CYP7B1: variants seen among roughly 807,000 people sequenced by gnomAD.
The protein encoded by CYP7B1 is cytochrome P450 7B1.
Under a neutral mutation model 42.7 loss-of-function variants are expected in CYP7B1, and 29 were observed. That is an observed-to-expected ratio of 0.68 (90% CI 0.51 to 0.93). The LOEUF (loss-of-function observed/expected upper bound fraction) is 0.93. Among genes scored for constraint, CYP7B1 ranks in the 40% least tolerant of loss-of-function variants. The pLI, the probability that CYP7B1 is intolerant of heterozygous loss-of-function variation, is 0.00. For missense variants in CYP7B1, 655 were observed against 600.5 expected (o/e 1.09, Z -0.95); for synonymous variants, 235 against 218.2 (o/e 1.08, Z -0.68).
intron 2 of CYP7B1, among the ~76,000 whole-genome samples, chr8:64,617,464 A>T (rs997042846): frequency 1.3e-5 from 2 of 152,196 alleles, no homozygotes; most frequent in Non-Finnish European, 2.9e-5. Context: ...TTTCAGTGGT[A>T]GACCCTTGAT....
chr8:64,796,790 C>T (rs1377851031), intron 1 of CYP7B1, among the ~76,000 whole-genome samples: 7 of 152,088 alleles, frequency 4.6e-5, no homozygotes, highest in East Asian at 3.8e-4. Context: ...TATTTCCCCA[C>T]GATTTTTATT....
intron 1 of CYP7B1, among the ~76,000 whole-genome samples, chr8:64,791,042 T>G (rs563646683): frequency 3.0e-4 from 46 of 151,880 alleles, no homozygotes; most frequent in Non-Finnish European, 5.0e-4. Flanking sequence ...TAACATAGAG[T>G]CCAGAAAATC....
At chr8:64,750,928 A>G (rs982863055) in intron 1 of CYP7B1, among the ~76,000 whole-genome samples, 1 of 151,936 alleles carries the variant, frequency 6.6e-6, no homozygotes. Context: ...ACGCTTCTTG[A>G]CCTTCCCTTT....
intron 4 of CYP7B1, among the ~76,000 whole-genome samples, chr8:64,612,932 T>C (rs1361151069): frequency 1.3e-5 from 2 of 152,176 alleles, no homozygotes; most frequent in Non-Finnish European, 2.9e-5. Flanking sequence ...ACAACTGAGC[T>C]ATGACTATGT....
chr8:64,728,587 G>C (rs1807357791), intron 1 of CYP7B1, among the ~76,000 whole-genome samples: 2 of 152,136 alleles, frequency 1.3e-5, no homozygotes. Context: ...TTGAGTAAAA[G>C]AAAAGCATTG....
At chr8:64,729,595 T>C (rs1186536496) in intron 1 of CYP7B1, among the ~76,000 whole-genome samples, 1 of 152,204 alleles carries the variant, frequency 6.6e-6, no homozygotes, top group Non-Finnish European at 1.5e-5. Flanking sequence ...TCCAGCATAG[T>C]GTAATTTAAA....
chr8:64,637,026 C>A lies in CYP7B1; in HGVS notation c.123-12487G>T, dbSNP rs537145722. On this transcript the variant is annotated intron_variant, in intron 1 of 5. Coordinates refer to ENST00000310193, the MANE Select transcript of CYP7B1 (RefSeq NM_004820.5). ...TGAAATGTTTAATAAAAAATTAGAACCCACAGTTTTGTGGAAACTAAATTA... is the reference window on the plus strand; with the variant it reads ...TGAAATGTTTAATAAAAAATTAGAAACCACAGTTTTGTGGAAACTAAATTA... Among the ~76,000 whole-genome samples the A allele has an allele frequency of 2.0e-5, 3 of 152,230 alleles. No individual in the cohort carries two copies. In the South Asian group the frequency reaches 6.2e-4, roughly 32 times the overall value.
chr8:64,609,146 TTTTA>T (rs1339220064), intron 4 of CYP7B1, among the ~76,000 whole-genome samples: 4 of 152,210 alleles, frequency 2.6e-5, no homozygotes, highest in African/African-American at 4.8e-5. Flanking sequence ...GCACAGTTGC[TTTTA>T]TTTATTTAAT....
At chr8:64,633,764 T>C (rs1304354490) in intron 1 of CYP7B1, among the ~76,000 whole-genome samples, 1 of 152,094 alleles carries the variant, frequency 6.6e-6, no homozygotes, top group African/African-American at 2.4e-5. Context: ...ATCAACAAAC[T>C]GATTCTGAAG....
At chr8:64,609,963 A>G (rs562924493) in intron 4 of CYP7B1, among the ~76,000 whole-genome samples, 1 of 152,130 alleles carries the variant, frequency 6.6e-6, no homozygotes, top group Non-Finnish European at 1.5e-5. Context: ...GACCAATGCA[A>G]TCAGAATCTC....
At chr8:64,785,398 C>A (rs1219002019) in intron 1 of CYP7B1, among the ~76,000 whole-genome samples, 1 of 152,210 alleles carries the variant, frequency 6.6e-6, no homozygotes, top group African/African-American at 2.4e-5. Context: ...CACATAACAT[C>A]CTGCACATAA....
chr8:64,756,705 C>T (rs1807813353), intron 1 of CYP7B1, among the ~76,000 whole-genome samples: 1 of 152,112 alleles, frequency 6.6e-6, no homozygotes, highest in Non-Finnish European at 1.5e-5. Context: ...TTGGAAGGGA[C>T]CTTAGGGATC....
At chr8:64,694,672 T>G (rs1286558071) in intron 1 of CYP7B1, among the ~76,000 whole-genome samples, 2 of 152,234 alleles carry the variant, frequency 1.3e-5, no homozygotes, top group African/African-American at 2.4e-5. Context: ...CAAGTGTTTT[T>G]TATTTCTAGT....
intron 1 of CYP7B1, among the ~76,000 whole-genome samples, chr8:64,723,869 G>A (rs1807281027): frequency 6.6e-6 from 1 of 151,974 alleles, no homozygotes; most frequent in African/African-American, 2.4e-5. Flanking sequence ...ATTATAGAAC[G>A]TTAAAAGAGT....
Position 64,734,855 on chromosome 8 carries a change from T to C in CYP7B1, c.122+63611A>G, listed in dbSNP as rs186277444. 5.4e-4 allele frequency among the ~76,000 whole-genome samples: 83 copies of C among 152,358 alleles called. 1 individual carries two copies. The highest frequency in any genetic ancestry group is 1.9e-3 in the African/African-American group (79 of 41,580). Reference sequence around the variant, plus strand: ...TTTTTAAACAAAAGCATAAGTATACTGGTTGCCTGAAAATTAGGTTGGTCA... The same window carrying C: ...TTTTTAAACAAAAGCATAAGTATACCGGTTGCCTGAAAATTAGGTTGGTCA... On this transcript the variant is annotated intron_variant, in intron 1 of 5. Transcript: ENST00000310193.
In CYP7B1 at chr8:64,592,557, C is replaced by T. The variant is rs1805052480; in HGVS notation, c.*4085G>A. 1.3e-5 allele frequency among the ~76,000 whole-genome samples: 2 copies of T among 152,246 alleles called. No homozygotes were observed. Among genetic ancestry groups the T allele is most frequent in the East Asian group, 1.9e-4 (1 of 5,184 alleles). ...TCATATCTAGAACAGAGAAAATGCT[C>T]AATGAATGTTTGGTTGAATAAATGA... On this transcript the variant is annotated 3_prime_UTR_variant, in exon 6 of 6. Coordinates refer to ENST00000310193, the MANE Select transcript of CYP7B1 (RefSeq NM_004820.5).
intron 1 of CYP7B1, among the ~76,000 whole-genome samples, chr8:64,710,514 T>G (rs1452752216): frequency 1.3e-5 from 2 of 152,218 alleles, no homozygotes; most frequent in Non-Finnish European, 2.9e-5. Flanking sequence ...GTACCATATT[T>G]GACACCTTCT....
intron 1 of CYP7B1, among the ~76,000 whole-genome samples, chr8:64,775,581 A>G (rs1374245599): frequency 6.6e-6 from 1 of 152,140 alleles, no homozygotes; most frequent in Non-Finnish European, 1.5e-5. Context: ...TGAGTAAAAA[A>G]TAGACCTTGA....
intron 1 of CYP7B1, among the ~76,000 whole-genome samples, chr8:64,648,718 T>A (rs1020415237): frequency 1.3e-5 from 2 of 152,206 alleles, no homozygotes; most frequent in Non-Finnish European, 2.9e-5. Flanking sequence ...CAGTGAGGTA[T>A]GGTAAAGGCA....
Sources: allele counts gnomAD v4.1 joint callset (sites outside exome capture counted in the v4.1 genomes callset), GRCh38; gene constraint gnomAD v4.1.1; transcripts MANE v1.5; gene names NCBI Gene and HGNC (gene_info 2026-07-23, HGNC 2026-07-21).